UGT1A7: variants seen among roughly 807,000 people sequenced by gnomAD.
UGT1A7 encodes UDP-glucuronosyltransferase 1A7.
In UGT1A7, 33 loss-of-function variants were observed where a neutral mutation model predicts 45.6. The observed-to-expected ratio is 0.72, with a 90% CI of 0.55 to 0.97. UGT1A7 has a LOEUF of 0.97. Ranked by LOEUF, UGT1A7 falls within the 50% of genes least tolerant of loss-of-function variation. The probability of loss-of-function intolerance (pLI) is 0.00; values close to 1 mark genes in which losing one functional copy is unlikely to be tolerated. For synonymous variants in UGT1A7, 274 were observed against 250.6 expected, an observed-to-expected ratio of 1.09 and a Z score of -0.88; for missense variants, 684 against 666.2, an observed-to-expected ratio of 1.03 and a Z score of -0.29.
At chr2:233,693,313 A>G (rs370458841) in intron 1 of UGT1A7, 16 of 1,614,100 alleles carry the variant, frequency 9.9e-6, no homozygotes, top group Non-Finnish European at 1.4e-5. Context: ...CTGAGCGATC[A>G]TTCCTAACTG....
rs528527073 is a variant in UGT1A7 at position 233,743,656 on chromosome 2, G to A, written c.856-23378G>A. On this transcript the variant is annotated intron_variant, in intron 1 of 4. Transcript: ENST00000373426. ...GGTCGCGGAAGCTGAAGACGTACTC[G>A]AAGGGGTCCTCGAAGGGCCTGCCGC... 2.2e-5 allele frequency: 30 copies of A among 1,367,266 alleles called. 1 individual carries two copies. Among genetic ancestry groups the A allele is most frequent in the Middle Eastern group, 4.2e-4 (2 of 4,768 alleles). The allele number at this position is 1,367,266 out of a possible 1,614,324, so 84.7% of individuals were successfully genotyped here.
intron 1 of UGT1A7, among the ~76,000 whole-genome samples, chr2:233,718,473 G>C (rs2076656513): frequency 6.6e-6 from 1 of 152,232 alleles, no homozygotes; most frequent in African/African-American, 2.4e-5. Context: ...GCTGCAGCCT[G>C]ATAAATATGG....
At chr2:233,712,915 G>C in intron 1 of UGT1A7, 1 of 1,611,388 alleles carries the variant, frequency 6.2e-7, no homozygotes, top group Non-Finnish European at 8.5e-7. Flanking sequence ...TCAGTGACAA[G>C]GTAATTAAGA....
At chr2:233,720,267 C>T (rs1380272478) in intron 1 of UGT1A7, among the ~76,000 whole-genome samples, 2 of 152,012 alleles carry the variant, frequency 1.3e-5, no homozygotes, top group African/African-American at 4.8e-5. Context: ...AGGGATCTGT[C>T]CTGAGAAAAG....
chr2:233,706,099 A>AG (rs1029714130), intron 1 of UGT1A7, among the ~76,000 whole-genome samples: 2 of 152,164 alleles, frequency 1.3e-5, no homozygotes, highest in African/African-American at 4.8e-5. Context: ...TGTCTTAAAA[A>AG]AAAACCAAGA....
chr2:233,764,622 A>G (rs1698606670), intron 1 of UGT1A7, among the ~76,000 whole-genome samples: 1 of 152,124 alleles, frequency 6.6e-6, no homozygotes. Flanking sequence ...GGTTTCATGA[A>G]GAGCAAAGGT....
chr2:233,754,850 A>C (rs1172788240), intron 1 of UGT1A7: 1 of 1,345,454 alleles, frequency 7.4e-7, no homozygotes, highest in African/African-American at 1.5e-5. Context: ...AGGCAGAGAA[A>C]AGGGGTGCAG....
At chr2:233,743,962 C>G (rs189644754) in intron 1 of UGT1A7, 1 of 1,331,618 alleles carries the variant, frequency 7.5e-7, no homozygotes, top group Non-Finnish European at 1.0e-6. Flanking sequence ...CAGCGAGCGG[C>G]AAGGCTGCCA....
intron 1 of UGT1A7, chr2:233,760,915 G>A (rs758093591): frequency 5.6e-6 from 9 of 1,614,180 alleles, no homozygotes; most frequent in Non-Finnish European, 7.6e-6. Flanking sequence ...CCTGCAGCGG[G>A]TGAAGAACAT....
At chr2:233,729,848 G>A (rs2077933569) in intron 1 of UGT1A7, 3 of 1,613,874 alleles carry the variant, frequency 1.9e-6, no homozygotes, top group Non-Finnish European at 2.5e-6. Context: ...CTTTTTCAGA[G>A]AGAGGTGTCA....
intron 1 of UGT1A7, among the ~76,000 whole-genome samples, chr2:233,733,693 C>T (rs2078430243): frequency 6.6e-6 from 1 of 152,134 alleles, no homozygotes; most frequent in Non-Finnish European, 1.5e-5. Flanking sequence ...TGATGTGCTG[C>T]TGGATTTGGT....
chr2:233,760,393 G>A lies in UGT1A7; in HGVS notation c.856-6641G>A, dbSNP rs1697429657. The A allele has an allele frequency of 4.3e-6, 7 of 1,614,206 alleles. No homozygotes were observed. In the South Asian group the frequency reaches 5.5e-5, roughly 13 times the overall value. On this transcript the variant is annotated intron_variant, in intron 1 of 4. Transcript: ENST00000373426. The stretch of plus-strand genomic sequence containing the variant: ...TGGGAAGATACTGTTGATCCCAGTG[G>A]ATGGCAGCCACTGGCTGAGCATGCT...
At chr2:233,732,882 T>A (rs2078332134) in intron 1 of UGT1A7, among the ~76,000 whole-genome samples, 1 of 152,004 alleles carries the variant, frequency 6.6e-6, no homozygotes, top group African/African-American at 2.4e-5. Context: ...TGGCATTGAA[T>A]CTATAAATTA....
chr2:233,738,593 G>A (rs971554241), intron 1 of UGT1A7, among the ~76,000 whole-genome samples: 1 of 152,204 alleles, frequency 6.6e-6, no homozygotes, highest in Non-Finnish European at 1.5e-5. Context: ...GGTCACTCTT[G>A]CTAAGCTTTA....
intron 1 of UGT1A7, among the ~76,000 whole-genome samples, chr2:233,714,325 G>GAGGTC (rs1417875525): frequency 2.0e-5 from 3 of 152,176 alleles, no homozygotes; most frequent in Non-Finnish European, 4.4e-5. Context: ...GACCACAGGA[G>GAGGTC]ACCTAAGCAC....
chr2:233,765,493 A>G (rs1698849482), intron 1 of UGT1A7, among the ~76,000 whole-genome samples: 1 of 152,138 alleles, frequency 6.6e-6, no homozygotes, highest in African/African-American at 2.4e-5. Context: ...ATCCTCCACA[A>G]ACTAACACAG....
rs562176339 is a variant in UGT1A7, at chr2:233,684,071, T to C, written c.855+1279T>C. ...ACACCTGGTGTCTGATCTAAGTATA[T>C]TATTTTGTTAGGGATGGAGTATACA... On this transcript the variant is annotated intron_variant, in intron 1 of 4. Transcript: ENST00000373426. Among the ~76,000 whole-genome samples the C allele has an allele frequency of 3.2e-4, 48 of 152,310 alleles. 1 individual carries two copies. Among genetic ancestry groups the C allele is most frequent in the Admixed American group, 6.5e-4 (10 of 15,294 alleles).
At chr2:233,738,611 A>C (rs1411128815) in intron 1 of UGT1A7, among the ~76,000 whole-genome samples, 2 of 152,250 alleles carry the variant, frequency 1.3e-5, no homozygotes, top group Admixed American at 6.5e-5. Flanking sequence ...TTAGCAAAGA[A>C]ACTCGTGGCA....
intron 1 of UGT1A7, among the ~76,000 whole-genome samples, chr2:233,684,257 G>T (rs1035516558): frequency 6.6e-6 from 1 of 152,204 alleles, no homozygotes; most frequent in African/African-American, 2.4e-5. Flanking sequence ...GACTACAGTT[G>T]TAGGCCTTTC....
Sources: gnomAD v4.1 joint callset for allele counts (sites outside exome capture counted in the v4.1 genomes callset) on GRCh38, gnomAD v4.1.1 for gene constraint, MANE v1.5 for transcripts, NCBI Gene and HGNC (gene_info 2026-07-23, HGNC 2026-07-21) for gene names.